The following EBF1 variants were observed in gnomAD, a reference collection of about 807,000 sequenced individuals.
EBF1 encodes EBF transcription factor 1.
In EBF1, 10 loss-of-function variants were observed where a neutral mutation model predicts 68.4. The observed-to-expected ratio is 0.15, with a 90% confidence interval of 0.09 to 0.25. The LOEUF is 0.25. Ranked by LOEUF, EBF1 falls within the 10% of genes least tolerant of loss-of-function variation. The pLI, the probability that EBF1 is intolerant of heterozygous loss-of-function variation, is 1.00. For synonymous variants in EBF1, 298 were observed against 299.8 expected, an observed-to-expected ratio of 0.99 and a Z score of 0.06; for missense variants, 509 against 794.4, an observed-to-expected ratio of 0.64 and a Z score of 4.32.
intron 10 of EBF1, among the ~76,000 whole-genome samples, chr5:158,743,229 G>C (rs1166952912): frequency 6.6e-6 from 1 of 152,210 alleles, no homozygotes; most frequent in Non-Finnish European, 1.5e-5. Context: ...TCAAATATCT[G>C]AGTTGGGTAT....
rs1436562654 is a variant in EBF1, at chr5:158,702,438, C to A, written c.1745-3296G>T. ...GTGGCTCTGCCATTTTCCCCAGCAG[C>A]TGGATGATCATGTTCTCTGACAGAA... On this transcript the variant is annotated intron_variant, in intron 15 of 15. Transcript: ENST00000313708. Among the ~76,000 whole-genome samples the A allele has an allele frequency of 2.0e-5, 3 of 152,132 alleles. No homozygotes were observed. In the South Asian group the frequency reaches 6.2e-4, roughly 32 times the overall value.
intron 4 of EBF1, among the ~76,000 whole-genome samples, chr5:159,091,788 G>A (rs951471904): frequency 6.6e-6 from 1 of 152,166 alleles, no homozygotes; most frequent in Non-Finnish European, 1.5e-5. Context: ...CATTTCTGAT[G>A]ATTGTACCTT....
chr5:158,869,737 C>A (rs1169536405), intron 6 of EBF1, among the ~76,000 whole-genome samples: 2 of 152,172 alleles, frequency 1.3e-5, no homozygotes, highest in Non-Finnish European at 1.5e-5. Context: ...TGGAATCATG[C>A]ATGACATATT....
chr5:159,064,544 G>A (rs917099338), intron 6 of EBF1, among the ~76,000 whole-genome samples: 4 of 152,120 alleles, frequency 2.6e-5, no homozygotes, highest in African/African-American at 9.7e-5. Context: ...TAAAACGCTG[G>A]AAGTGCCATT....
chr5:158,990,452 TG>T (rs145500355), intron 6 of EBF1, among the ~76,000 whole-genome samples: 5,386 of 152,268 alleles, frequency 0.035, 144 homozygotes, highest in Middle Eastern at 0.058. Context: ...AGAAGGCAAC[TG>T]CAATAAGACA....
rs183321015 is a variant in EBF1 at position 158,762,779 on chromosome 5, C to T, written c.1036+14634G>A. On this transcript the variant is annotated intron_variant, in intron 10 of 15. Coordinates refer to ENST00000313708, the MANE Select transcript of EBF1 (RefSeq NM_024007.5). ...CTCGATCTCCTGACCTCGTGATCCGCCTGCCTCGGCCTCCCAAAGTGCTGG... is the reference window on the plus strand; with the variant it reads ...CTCGATCTCCTGACCTCGTGATCCGTCTGCCTCGGCCTCCCAAAGTGCTGG... Among the ~76,000 whole-genome samples the T allele has an allele frequency of 1.2e-3, 176 of 152,302 alleles. 1 individual carries two copies. Among genetic ancestry groups the T allele is most frequent in the African/African-American group, 3.8e-3 (157 of 41,556 alleles).
chr5:158,999,496 C>A (rs1175294679), intron 6 of EBF1, among the ~76,000 whole-genome samples: 1 of 152,212 alleles, frequency 6.6e-6, no homozygotes, highest in Non-Finnish European at 1.5e-5. Flanking sequence ...GCTTTCCAAG[C>A]ATTTGTGAGA....
chr5:159,067,420 G>A (rs934117164), intron 6 of EBF1, among the ~76,000 whole-genome samples: 21 of 152,148 alleles, frequency 1.4e-4, no homozygotes, highest in East Asian at 5.8e-4. Context: ...TTTCTTGGAA[G>A]TTGCTGCCAT....
chr5:158,930,868 T>C (rs1344218384), intron 6 of EBF1, among the ~76,000 whole-genome samples: 1 of 151,114 alleles, frequency 6.6e-6, no homozygotes, highest in Non-Finnish European at 1.5e-5. Flanking sequence ...ATGGTCTCCT[T>C]TAATTTTCTC....
At chr5:158,908,969 T>C (rs1805277055) in intron 6 of EBF1, among the ~76,000 whole-genome samples, 1 of 152,168 alleles carries the variant, frequency 6.6e-6, no homozygotes, top group Non-Finnish European at 1.5e-5. Flanking sequence ...CTCTCAACAG[T>C]GCCCCTCCTG....
intron 6 of EBF1, among the ~76,000 whole-genome samples, chr5:158,954,802 G>A (rs567204212): frequency 2.0e-5 from 3 of 152,246 alleles, no homozygotes; most frequent in Non-Finnish European, 2.9e-5. Flanking sequence ...AAATATTCAC[G>A]GGAAAGGTAA....
chr5:158,822,442 C>A (rs367771470), intron 8 of EBF1, among the ~76,000 whole-genome samples: 1 of 152,312 alleles, frequency 6.6e-6, no homozygotes. Context: ...ACCCATGGTT[C>A]TTCTGAGTGG....
intron 6 of EBF1, among the ~76,000 whole-genome samples, chr5:159,028,834 A>G (rs1334231718): frequency 6.6e-6 from 1 of 152,208 alleles, no homozygotes. Flanking sequence ...TTCTGCAGGA[A>G]AAGTTCTTGA....
At chr5:159,014,664 A>G (rs770478925) in intron 6 of EBF1, among the ~76,000 whole-genome samples, 2 of 152,212 alleles carry the variant, frequency 1.3e-5, no homozygotes, top group African/African-American at 2.4e-5. Flanking sequence ...ATTTGAGTAC[A>G]TGGCTGCCCA....
Position 158,823,286 on chromosome 5 carries a change from C to A in EBF1, c.668G>T (p.Gly223Val), listed in dbSNP as rs144663267. The change falls in exon 8 of 16, where the codon GGC becomes GTC. Residue 223 changes from glycine (G) to valine (V), a missense_variant. Around this residue, in one of 3 missense-constraint regions of EBF1, gnomAD observed 230 missense variants for 467.7 expected, o/e 0.49. Coordinates refer to ENST00000313708, the MANE Select transcript of EBF1 (RefSeq NM_024007.5). Reference sequence around the variant, plus strand: ...GTTATCAGAGACTGCCAGGACATGGCCATCCACATTGACTGTCGTAGACAC... The same window carrying A: ...GTTATCAGAGACTGCCAGGACATGGACATCCACATTGACTGTCGTAGACAC... Reference protein sequence around the residue: ...VVVSTTVNVDGHVLAVSDNMF... With the variant: ...VVVSTTVNVDVHVLAVSDNMF... 2.5e-6 allele frequency: 4 copies of A among 1,613,764 alleles called. No individual in the cohort carries two copies. Among genetic ancestry groups the A allele is most frequent in the Non-Finnish European group, 3.4e-6 (4 of 1,179,818 alleles).
intron 11 of EBF1, among the ~76,000 whole-genome samples, 176 bp from the exon 12 acceptor site, chr5:158,714,358 C>T (rs1214521386): frequency 6.6e-6 from 1 of 152,226 alleles, no homozygotes; most frequent in Non-Finnish European, 1.5e-5. Context: ...TTCACATACA[C>T]ACTTAATTGA....
intron 6 of EBF1, among the ~76,000 whole-genome samples, chr5:158,912,477 T>C (rs1806207722): frequency 6.6e-6 from 1 of 152,190 alleles, no homozygotes; most frequent in Admixed American, 6.5e-5. Flanking sequence ...CTTCTAAATT[T>C]GCTGGATCAT....
At chr5:158,741,500 G>T (rs543669008) in intron 10 of EBF1, among the ~76,000 whole-genome samples, 1 of 151,920 alleles carries the variant, frequency 6.6e-6, no homozygotes, top group African/African-American at 2.4e-5. Flanking sequence ...GCTTGAGCTG[G>T]GGAGTTCCAA....
At position 158,777,420 on chromosome 5, in the gene EBF1, A is replaced by G; in HGVS notation, c.1029T>C (p.Ile343=). 3 of 1,611,342 alleles carry G rather than the reference A, an allele frequency of 1.9e-6. No individual in the cohort carries two copies. Among genetic ancestry groups the G allele is most frequent in the Non-Finnish European group, 2.5e-6 (3 of 1,178,500 alleles). ...QFCKGTPGRF[I]YTALNEPTID... Reference sequence around the variant, plus strand: ...ATGTGCTGTGGTTCTTACCTGTATAAATGAATCTGCCTGGTGTTCCTTTGC... The same window carrying G: ...ATGTGCTGTGGTTCTTACCTGTATAGATGAATCTGCCTGGTGTTCCTTTGC... Residue 343 remains isoleucine, a synonymous_variant, in exon 10 of 16, where the codon ATT becomes ATC. Transcript: ENST00000313708.
Sources: allele counts gnomAD v4.1 joint callset (sites outside exome capture counted in the v4.1 genomes callset), GRCh38; gene constraint gnomAD v4.1.1; regional missense constraint gnomAD v4.1.1; transcripts MANE v1.5; gene names NCBI Gene and HGNC (gene_info 2026-07-23, HGNC 2026-07-21).